ADA: variants seen among roughly 807,000 people sequenced by gnomAD.
ADA encodes adenosine aminohydrolase.
ADA carries 45 observed loss-of-function variants against 49.0 expected under a neutral mutation model. That is an observed-to-expected ratio of 0.92 (90% confidence interval 0.72 to 1.18). The LOEUF (loss-of-function observed/expected upper bound fraction) is 1.18. Ranked by LOEUF, ADA falls within the 50% of genes most tolerant of loss-of-function variation. The pLI is 0.00. For synonymous variants in ADA, 173 were observed against 184.2 expected, an observed-to-expected ratio of 0.94 and a Z score of 0.49; for missense variants, 445 against 472.5, an observed-to-expected ratio of 0.94 and a Z score of 0.54.
chr20:44,646,430 G>C (rs2065592229), intron 1 of ADA, among the ~76,000 whole-genome samples: 1 of 150,260 alleles, frequency 6.7e-6, no homozygotes, highest in African/African-American at 2.4e-5. Context: ...AAGTGCAGCT[G>C]GTGGGTTTTG....
At chr20:44,639,790 A>C (rs1368068678) in intron 1 of ADA, among the ~76,000 whole-genome samples, 1 of 152,074 alleles carries the variant, frequency 6.6e-6, no homozygotes, top group Non-Finnish European at 1.5e-5. Context: ...CTGGCCTGAG[A>C]AGCCCAAGCT....
At position 44,624,239 on chromosome 20, in the gene ADA, C is replaced by T. The variant is rs767265448; in HGVS notation, c.569G>A (p.Gly190Glu). 5.6e-6 allele frequency: 9 copies of T among 1,613,844 alleles called. No homozygotes were observed. The East Asian group carries it at 2.0e-4, about 36-fold the overall frequency. The change falls in exon 6 of 12, where the codon GGA becomes GAA. Residue 190 changes from glycine to glutamate, a missense_variant. By Grantham distance (98) the Gly-to-Glu change is moderately conservative. Coordinates refer to ENST00000372874, the MANE Select transcript of ADA (RefSeq NM_000022.4). Reference sequence around the variant, plus strand: ...GACATGTCCAGGCAAGAGGCTGCTTCCTGGGATGGTCTCATCTCCAGCCAG... The same window carrying T: ...GACATGTCCAGGCAAGAGGCTGCTTTCTGGGATGGTCTCATCTCCAGCCAG... The part of the protein sequence containing the change: ...IDLAGDETIP[G>E]SSLLPGHVQA...
chr20:44,636,406 C>T (rs1028824905), intron 1 of ADA, 118 bp from the exon 2 acceptor site: 1 of 882,374 alleles, frequency 1.1e-6, no homozygotes, highest in Non-Finnish European at 1.8e-6. Flanking sequence ...CATTAGCCAC[C>T]ATTTTACTGG....
Position 44,619,632 on chromosome 20 carries a change from C to G in ADA, c.*202G>C, listed in dbSNP as rs192087758. The stretch of plus-strand genomic sequence containing the variant: ...TGCCCATGTGCAAGGGCGCTGGTCC[C>G]TGGCCAGGGCACATAATCAGAGAAG... On this transcript the variant is annotated 3_prime_UTR_variant, in exon 12 of 12. Coordinates refer to ENST00000372874, the MANE Select transcript of ADA (RefSeq NM_000022.4). 4.6e-6 allele frequency: 3 copies of G among 652,956 alleles called. No individual in the cohort carries two copies. Among genetic ancestry groups the G allele is most frequent in the Non-Finnish European group, 8.0e-6 (3 of 373,462 alleles). The allele number at this position is 652,956 out of a possible 1,614,324, so 40.4% of individuals were successfully genotyped here.
At chr20:44,632,232 C>T (rs989583802) in intron 2 of ADA, among the ~76,000 whole-genome samples, 3 of 151,906 alleles carry the variant, frequency 2.0e-5, no homozygotes, top group Non-Finnish European at 2.9e-5. Flanking sequence ...GGCAGGAAGC[C>T]GCGGGCATTG....
chr20:44,623,458 C>T (rs950951505), intron 6 of ADA, among the ~76,000 whole-genome samples: 1 of 152,222 alleles, frequency 6.6e-6, no homozygotes, highest in Non-Finnish European at 1.5e-5. Flanking sequence ...CCATGCTGCA[C>T]CCTCCACAGG....
intron 2 of ADA, among the ~76,000 whole-genome samples, chr20:44,635,902 GA>G (rs5841559): frequency 2.3e-4 from 33 of 144,596 alleles, no homozygotes; most frequent in African/African-American, 3.0e-4. Flanking sequence ...TATCTCAAAA[GA>G]AAAAAAAAAA....
At chr20:44,645,929 T>A (rs1339103001) in intron 1 of ADA, among the ~76,000 whole-genome samples, 1 of 152,136 alleles carries the variant, frequency 6.6e-6, no homozygotes, top group Admixed American at 6.5e-5. Flanking sequence ...CCCCCACAAC[T>A]GCTCAGGGGC....
intron 5 of ADA, 57 bp from the exon 6 acceptor site, chr20:44,624,386 G>A: frequency 6.2e-7 from 1 of 1,608,172 alleles, no homozygotes; most frequent in Non-Finnish European, 8.5e-7. Flanking sequence ...AGACCTCCCA[G>A]CCTACCTGCC....
At chr20:44,630,534 G>C (rs930787110) in intron 2 of ADA, among the ~76,000 whole-genome samples, 1 of 152,064 alleles carries the variant, frequency 6.6e-6, no homozygotes, top group Non-Finnish European at 1.5e-5. Flanking sequence ...ACCCAAGAAC[G>C]AGCCCTCGGA....
chr20:44,626,149 A>AC, intron 4 of ADA, among the ~76,000 whole-genome samples: 1 of 152,298 alleles, frequency 6.6e-6, no homozygotes, highest in East Asian at 1.9e-4. Context: ...AGCATCAGTG[A>AC]CAAGGGAGAC....
At chr20:44,619,997 G>A (rs1412360879) in intron 11 of ADA, 150 bp from the exon 12 acceptor site, 4 of 1,128,976 alleles carry the variant, frequency 3.5e-6, no homozygotes, top group Admixed American at 3.9e-5. Context: ...GAAAGGAGCA[G>A]AACAGGCCTG....
rs376138229 is a variant in ADA, at chr20:44,636,243, T to C, written c.79A>G (p.Ile27Val). ...HLDGSIKPET[I>V]LYYGRRRGIA... The stretch of plus-strand genomic sequence containing the variant: ...TGGACTTACCTGCCATAGTATAAGA[T>C]GGTTTCAGGCTTGATGGATCCGTCT... The change falls in exon 2 of 12, where the codon ATC (isoleucine) becomes GTC (valine). Residue 27 changes from isoleucine to valine, a missense_variant. Ile to Val is a conservative substitution (Grantham distance 29, BLOSUM62 3). Coordinates refer to ENST00000372874, the MANE Select transcript of ADA (RefSeq NM_000022.4). 2.5e-6 allele frequency: 4 copies of C among 1,610,482 alleles called. No homozygotes were observed. The highest frequency in any genetic ancestry group is 3.4e-5 in the Admixed American group (2 of 59,512).
intron 2 of ADA, among the ~76,000 whole-genome samples, chr20:44,635,670 G>A (rs1451993317): frequency 6.6e-6 from 1 of 152,146 alleles, no homozygotes; most frequent in Non-Finnish European, 1.5e-5. Flanking sequence ...AGGCCAAGCT[G>A]GGTGGATCAC....
At chr20:44,650,955 G>A (rs1280534551) in intron 1 of ADA, among the ~76,000 whole-genome samples, 2 of 152,170 alleles carry the variant, frequency 1.3e-5, no homozygotes, top group East Asian at 3.9e-4. Context: ...TCTCCCCTGG[G>A]GCCAGTGGCC....
intron 2 of ADA, among the ~76,000 whole-genome samples, chr20:44,631,986 C>T (rs906416360): frequency 6.6e-6 from 1 of 152,196 alleles, no homozygotes; most frequent in Non-Finnish European, 1.5e-5. Flanking sequence ...CAGAGACGGG[C>T]GCCTCCCCGT....
rs748810619 is a variant in ADA at position 44,624,292 on chromosome 20, G to T, written c.516C>A (p.Tyr172Ter). Residue 172 changes from tyrosine (Y) to a stop codon, truncating the protein, a stop_gained, in exon 6 of 12, where the codon TAC (tyrosine) becomes TAA (stop). Coordinates refer to ENST00000372874, the MANE Select transcript of ADA (RefSeq NM_000022.4). LOFTEE classifies it high-confidence loss of function. ...CAATGGCTACCACGGTCTGCTGCTGGTACTTCTTACACAGCTCCACCACCT... is the reference window on the plus strand; with the variant it reads ...CAATGGCTACCACGGTCTGCTGCTGTTACTTCTTACACAGCTCCACCACCT... ...SPKVVELCKK[Y>*]QQQTVVAIDL... 5 of 1,613,930 alleles carry T rather than the reference G, an allele frequency of 3.1e-6. No individual in the cohort carries two copies. The South Asian group carries it at 5.5e-5, about 18-fold the overall frequency.
intron 5 of ADA, among the ~76,000 whole-genome samples, chr20:44,624,677 C>T (rs1048126203): frequency 6.6e-6 from 1 of 152,254 alleles, no homozygotes; most frequent in African/African-American, 2.4e-5. Context: ...TCATGGTAGG[C>T]TTATTCCCAT....
intron 1 of ADA, among the ~76,000 whole-genome samples, chr20:44,650,175 C>T (rs1441605606): frequency 1.3e-5 from 2 of 152,180 alleles, no homozygotes; most frequent in Non-Finnish European, 2.9e-5. Context: ...TCCAGTAAGA[C>T]GTGAAGGAGG....
Sources: gnomAD v4.1 joint callset for allele counts (sites outside exome capture counted in the v4.1 genomes callset) on GRCh38, gnomAD v4.1.1 for gene constraint, MANE v1.5 for transcripts, NCBI Gene and HGNC (gene_info 2026-07-23, HGNC 2026-07-21) for gene names.